The following KIAA1671 variants were observed in gnomAD, a reference collection of about 807,000 sequenced individuals.
KIAA1671 encodes uncharacterized protein KIAA1671.
Under a neutral mutation model 131.2 loss-of-function variants are expected in KIAA1671, and 52 were observed. The ratio of observed to expected loss-of-function variants is 0.40; its 90% CI spans 0.32 to 0.50. The LOEUF (loss-of-function observed/expected upper bound fraction) is 0.50, where lower values mean the gene tolerates loss of function less well. Among genes scored for constraint, KIAA1671 ranks in the 20% least tolerant of loss-of-function variants. The pLI, the probability that KIAA1671 is intolerant of heterozygous loss-of-function variation, is 0.73. For synonymous variants in KIAA1671, 1,003 were observed against 961.6 expected, an observed-to-expected ratio of 1.04 and a Z score of -0.80; for missense variants, 2,360 against 2,364.2, an observed-to-expected ratio of 1.00 and a Z score of 0.04.
chr22:24,984,201 C>A (rs1319977941), intron 1 of KIAA1671, among the ~76,000 whole-genome samples: 1 of 152,122 alleles, frequency 6.6e-6, no homozygotes, highest in Non-Finnish European at 1.5e-5. Flanking sequence ...AGGGTACATG[C>A]CTTAAGGGTT....
At chr22:25,108,090 G>A (rs1931122473) in intron 6 of KIAA1671, among the ~76,000 whole-genome samples, 1 of 152,124 alleles carries the variant, frequency 6.6e-6, no homozygotes, top group African/African-American at 2.4e-5. Context: ...TATTTTTTAA[G>A]ACTTTTGATT....
intron 6 of KIAA1671, among the ~76,000 whole-genome samples, chr22:25,145,476 T>A (rs1041350556): frequency 6.6e-6 from 1 of 152,208 alleles, no homozygotes; most frequent in Non-Finnish European, 1.5e-5. Context: ...ACATTTGGGA[T>A]TGGGGAAGAC....
intron 6 of KIAA1671, among the ~76,000 whole-genome samples, chr22:25,124,450 TC>T (rs1233930082): frequency 3.9e-5 from 6 of 152,248 alleles, no homozygotes; most frequent in African/African-American, 1.4e-4. Flanking sequence ...TGCTGTTCTT[TC>T]TTGATGGCAA....
Position 25,119,916 on chromosome 22 carries a change from C to T in KIAA1671, c.4531-50904C>T, listed in dbSNP as rs564806068. Among the ~76,000 whole-genome samples, 8 of 152,278 alleles carry T rather than the reference C, an allele frequency of 5.3e-5. No individual in the cohort carries two copies. The East Asian group carries it at 1.5e-3, about 29-fold the overall frequency. ...GGCCAGGGGCCAGGCCGGATAGGGCCAGGGAGGGGGATTCTGATAGGATGT... is the reference window on the plus strand; with the variant it reads ...GGCCAGGGGCCAGGCCGGATAGGGCTAGGGAGGGGGATTCTGATAGGATGT... On this transcript the variant is annotated intron_variant, in intron 6 of 12. Transcript: ENST00000358431.
chr22:25,169,484 A>G (rs1415277263), intron 6 of KIAA1671, among the ~76,000 whole-genome samples: 1 of 151,432 alleles, frequency 6.6e-6, no homozygotes, highest in Non-Finnish European at 1.5e-5. Flanking sequence ...CAGGCAGCCA[A>G]GGCCGTCTGA....
chr22:25,099,911 G>A (rs1228761484), intron 6 of KIAA1671, among the ~76,000 whole-genome samples: 1 of 152,224 alleles, frequency 6.6e-6, no homozygotes, highest in Non-Finnish European at 1.5e-5. Flanking sequence ...CCTCCTGTGT[G>A]CTCTTGGCTT....
rs1045064317 is a variant in KIAA1671, at chr22:25,039,305, A to G, written c.2175A>G (p.Thr725=). The part of the protein sequence containing the change: ...TFLKHLENPP[T]SQRIEPRYDI... ...TCAAACACTTGGAAAATCCTCCCAC[A>G]TCGCAGAGAATTGAGCCCAGATATG... is the stretch of plus-strand genomic sequence containing the variant. Residue 725 remains threonine, a synonymous_variant, in exon 5 of 13, where the codon ACA becomes ACG. Coordinates refer to ENST00000358431, the MANE Select transcript of KIAA1671 (RefSeq NM_001145206.2). 142 of 1,552,166 alleles carry G rather than the reference A, an allele frequency of 9.1e-5. No homozygotes were observed. Among genetic ancestry groups the G allele is most frequent in the East Asian group, 7.8e-4 (32 of 40,928 alleles).
intron 1 of KIAA1671, among the ~76,000 whole-genome samples, chr22:24,978,438 T>C (rs1326801606): frequency 2.0e-5 from 3 of 152,164 alleles, no homozygotes; most frequent in Non-Finnish European, 2.9e-5. Context: ...GGTATGTCTT[T>C]ATCAGCAGCA....
chr22:25,093,848 C>CTG lies in KIAA1671; in HGVS notation c.4530+44485_4530+44486insGT, dbSNP rs1568951671. Among the ~76,000 whole-genome samples, 5 of 67,694 alleles carry CTG rather than the reference C, an allele frequency of 7.4e-5. 1 individual carries two copies. The highest frequency in any genetic ancestry group is 1.1e-4 in the African/African-American group (2 of 18,258). 44.4% of individuals were successfully genotyped at this position (67,694 alleles called of 152,430 possible). ...TTTCTCTCTCTGTCTGTCTCTCTCTCTCTCTCTCTCTCTCTCTCTCTCTCT... is the reference window on the plus strand; with the variant it reads ...TTTCTCTCTCTGTCTGTCTCTCTCTCTGTCTCTCTCTCTCTCTCTCTCTCTCT... On this transcript the variant is annotated intron_variant, in intron 6 of 12. Coordinates refer to ENST00000358431, the MANE Select transcript of KIAA1671 (RefSeq NM_001145206.2).
At position 25,172,588 on chromosome 22, in the gene KIAA1671, G is replaced by C. The variant is rs139330659; in HGVS notation, c.4649+1650G>C. Among the ~76,000 whole-genome samples, 273 of 152,312 alleles carry C rather than the reference G, an allele frequency of 1.8e-3. 1 individual carries two copies. The highest frequency in any genetic ancestry group is 6.1e-3 in the African/African-American group (255 of 41,578). On this transcript the variant is annotated intron_variant, in intron 7 of 12. Coordinates refer to ENST00000358431, the MANE Select transcript of KIAA1671 (RefSeq NM_001145206.2). ...GAGAGTAGGCCCACTTGTCAGGTGT[G>C]CCCACCTGTCCTTTCTCAAGGCGAG...
In KIAA1671 at chr22:25,019,093, T is replaced by TG. The variant is rs56396537; in HGVS notation, c.-207-6540_-207-6539insG. Among the ~76,000 whole-genome samples, 526 of 146,236 alleles carry TG rather than the reference T, an allele frequency of 3.6e-3. 4 individuals are homozygous for TG. Among genetic ancestry groups the TG allele is most frequent in the Non-Finnish European group, 6.0e-3 (396 of 65,862 alleles). On this transcript the variant is annotated intron_variant, in intron 1 of 12. Coordinates refer to ENST00000358431, the MANE Select transcript of KIAA1671 (RefSeq NM_001145206.2). ...GTGTGTGTGTGTGTGTGTGTGTGTG[T>TG]TTTAATTAAGTAATAGCCACTCTCA...
chr22:25,093,735 A>T (rs6004434), intron 6 of KIAA1671, among the ~76,000 whole-genome samples: 4,473 of 26,952 alleles, frequency 0.17, 550 homozygotes, highest in African/African-American at 0.26. Context: ...ACACACACAC[A>T]CACTCTCTCT....
At chr22:25,091,581 A>T (rs1169014533) in intron 6 of KIAA1671, among the ~76,000 whole-genome samples, 1 of 152,204 alleles carries the variant, frequency 6.6e-6, no homozygotes, top group Admixed American at 6.5e-5. Context: ...AGAAATCTGA[A>T]CATTTCCTTT....
chr22:25,070,422 T>C, intron 6 of KIAA1671: 1 of 487,162 alleles, frequency 2.1e-6, no homozygotes, highest in Non-Finnish European at 3.8e-6. Flanking sequence ...TCTGGGTGAG[T>C]GGCGGGGGGC....
chr22:25,093,788 C>CTCTCTCTT (rs1568951295), intron 6 of KIAA1671, among the ~76,000 whole-genome samples: 5 of 94,612 alleles, frequency 5.3e-5, no homozygotes, highest in African/African-American at 2.4e-4. Context: ...CTCTCTCTCT[C>CTCTCTCTT]TCTCTCTCTC....
intron 1 of KIAA1671, among the ~76,000 whole-genome samples, chr22:25,004,821 C>T (rs967931605): frequency 6.6e-6 from 1 of 151,120 alleles, no homozygotes; most frequent in East Asian, 2.0e-4. Flanking sequence ...TGGCGGGCAC[C>T]TGTAGTCCCA....
intron 1 of KIAA1671, among the ~76,000 whole-genome samples, chr22:25,016,051 C>T (rs769881270): frequency 0.018 from 2,668 of 151,152 alleles, 41 homozygotes; most frequent in Non-Finnish European, 0.024. Context: ...GACGGAGTCT[C>T]GCTCTGTTGC....
intron 6 of KIAA1671, among the ~76,000 whole-genome samples, chr22:25,087,872 C>T (rs1929815542): frequency 6.6e-6 from 1 of 152,192 alleles, no homozygotes; most frequent in South Asian, 2.1e-4. Context: ...CCAGAGCCCC[C>T]AGCACCTGGG....
Position 25,028,975 on chromosome 22 carries a change from G to A in KIAA1671, c.976G>A (p.Asp326Asn), listed in dbSNP as rs1450115905. The change falls in exon 3 of 13, where the codon GAC becomes AAC. Residue 326 changes from aspartate (D) to asparagine (N), a missense_variant. By Grantham distance (23) the Asp-to-Asn change is conservative. Transcript: ENST00000358431. ...LERPRAASKL[D>N]RDCLVKAEAP... The stretch of plus-strand genomic sequence containing the variant: ...GAGGCCCAGAGCAGCGTCCAAGCTG[G>A]ACAGGGACTGTTTGGTCAAGGCGGA... The A allele has an allele frequency of 1.5e-5, 23 of 1,537,432 alleles. No individual in the cohort carries two copies. The highest frequency in any genetic ancestry group is 2.0e-5 in the Non-Finnish European group (23 of 1,140,572).
Sources: gnomAD v4.1 joint callset for allele counts (sites outside exome capture counted in the v4.1 genomes callset) on GRCh38, gnomAD v4.1.1 for gene constraint, MANE v1.5 for transcripts, NCBI Gene and HGNC (gene_info 2026-07-23, HGNC 2026-07-21) for gene names.